MTERF4: variants seen among roughly 807,000 people sequenced by gnomAD.
MTERF4 encodes transcription termination factor 4, mitochondrial.
MTERF4 carries 17 observed loss-of-function variants against 22.5 expected under a neutral mutation model. The observed-to-expected ratio is 0.75, with a 90% confidence interval of 0.52 to 1.13. The LOEUF (loss-of-function observed/expected upper bound fraction) is 1.13. Among genes scored for constraint, MTERF4 ranks in the 50% most tolerant of loss-of-function variants. MTERF4 has a pLI of 0.00. For synonymous variants in MTERF4, 165 were observed against 175.3 expected, an observed-to-expected ratio of 0.94 and a Z score of 0.47; for missense variants, 420 against 466.8, an observed-to-expected ratio of 0.90 and a Z score of 0.92.
At chr2:241,047,629 AAGAT>A in the MTERF4 span, among the ~76,000 whole-genome samples, 129 of 152,388 alleles carry the variant, frequency 8.5e-4, no homozygotes, top group Admixed American at 2.2e-3. Context: ...GATCAGCAGA[AAGAT>A]ATCTGGAAAA....
At position 241,073,482 on chromosome 2, in the gene MTERF4, G is replaced by C; in HGVS notation, n.2680C>G. 5.9e-6 allele frequency: 5 copies of C among 841,448 alleles called. No individual in the cohort carries two copies. Among genetic ancestry groups the C allele is most frequent in the Non-Finnish European group, 9.9e-6 (5 of 505,182 alleles). 52.1% of individuals were successfully genotyped at this position (841,448 alleles called of 1,614,324 possible). A position where few individuals can be genotyped will look rare whatever the true frequency, so the allele number is the denominator to read the frequency against. ...GAATCAGGAGGCACAGAGCCTACCTGAGGGGAGGCTGAGCACCAGGCACCC... is the reference window on the plus strand; with the variant it reads ...GAATCAGGAGGCACAGAGCCTACCTCAGGGGAGGCTGAGCACCAGGCACCC... On this transcript the variant is annotated non_coding_transcript_exon_variant, in exon 5 of 5. Transcript: ENST00000464344. This position sits in a 1 kb window ranked among gnomAD's most constrained non-coding sequence, Gnocchi z 6.6.
chr2:241,076,303 CTT>C (rs2063017461), intron 4 of MTERF4, among the ~76,000 whole-genome samples: 1 of 152,116 alleles, frequency 6.6e-6, no homozygotes, highest in Non-Finnish European at 1.5e-5. Flanking sequence ...GACATTATGA[CTT>C]ATTTAATATC....
Position 241,097,403 on chromosome 2 carries a change from C to T in MTERF4, c.545G>A (p.Cys182Tyr), listed in dbSNP as rs370269245. ...GCGCATGGTGAAAATTTCAGGGCAA[C>T]AGTAAAGCACCCTCTTTAATTTCCC... ...GEGKLKRVLYCCPEIFTMRQQ... is the reference protein window; with the variant it reads ...GEGKLKRVLYYCPEIFTMRQQ... Residue 182 changes from cysteine to tyrosine, a missense_variant, in exon 3 of 4, where the codon TGT (cysteine) becomes TAT (tyrosine). Coordinates refer to ENST00000391980, the MANE Select transcript of MTERF4 (RefSeq NM_182501.4). The T allele has an allele frequency of 1.2e-6, 2 of 1,613,880 alleles. No homozygotes were observed. Among genetic ancestry groups the T allele is most frequent in the Non-Finnish European group, 8.5e-7 (1 of 1,179,938 alleles).
intron 1 of MTERF4, among the ~76,000 whole-genome samples, chr2:241,100,468 C>A (rs2064652965): frequency 6.6e-6 from 1 of 151,962 alleles, no homozygotes. Flanking sequence ...TTAGGATTTT[C>A]TTTTTGTTTT....
At chr2:241,080,627 G>A (rs1340088979) in intron 4 of MTERF4, among the ~76,000 whole-genome samples, 1 of 152,228 alleles carries the variant, frequency 6.6e-6, no homozygotes, top group Admixed American at 6.5e-5. Context: ...CCAACCTGAA[G>A]GGCTCCCGCT....
At chr2:241,062,591 TCA>T in the MTERF4 span, among the ~76,000 whole-genome samples, 106 of 152,282 alleles carry the variant, frequency 7.0e-4, no homozygotes, top group Admixed American at 1.6e-3. Context: ...CCCTGCTGCT[TCA>T]CAGACACAGC....
At chr2:241,088,421 C>T (rs374635676), downstream of MTERF4, 21 of 1,601,506 alleles carry the variant, frequency 1.3e-5, no homozygotes, top group East Asian at 4.5e-5. Context: ...CTGCTGCTCC[C>T]GCCCCACTAC....
downstream of MTERF4, among the ~76,000 whole-genome samples, chr2:241,085,860 C>CTTTTT (rs772995766): frequency 4.7e-4 from 37 of 79,156 alleles, no homozygotes; most frequent in African/African-American, 6.6e-4. Flanking sequence ...TCTGCGGTTT[C>CTTTTT]TTTTTTTTTT....
At chr2:241,051,880 G>T in the MTERF4 span, 48 of 1,523,644 alleles carry the variant, frequency 3.2e-5, no homozygotes, top group Non-Finnish European at 4.2e-5. This position sits in a 1 kb window ranked among gnomAD's most constrained non-coding sequence, Gnocchi z 4.7. Flanking sequence ...CCAGGGGCAG[G>T]GGGGAGGGCA....
chr2:241,081,660 G>A (rs143648626), intron 4 of MTERF4: 31 of 1,566,688 alleles, frequency 2.0e-5, no homozygotes, highest in East Asian at 7.0e-5. Context: ...CTAACCTCTC[G>A]TGACCTCTGT....
chr2:241,064,750 C>A, the MTERF4 span: 2 of 854,190 alleles, frequency 2.3e-6, no homozygotes, highest in Non-Finnish European at 3.6e-6. The surrounding 1 kb of genome is among the most constrained non-coding windows in gnomAD (Gnocchi z 7.0). Flanking sequence ...CACACCCACG[C>A]AGGAGGGACC....
the MTERF4 span, chr2:241,063,411 C>T: frequency 0.54 from 335,555 of 616,572 alleles, 96,720 homozygotes; most frequent in East Asian, 0.81. Context: ...GGAGGTGGCA[C>T]GCCTCCCGAG....
the MTERF4 span, among the ~76,000 whole-genome samples, chr2:241,053,528 G>A: frequency 5.3e-5 from 8 of 152,334 alleles, no homozygotes; most frequent in East Asian, 1.5e-3. Flanking sequence ...TTTGCTCTGG[G>A]GCATTCACTA....
downstream of MTERF4, among the ~76,000 whole-genome samples, chr2:241,090,680 A>G (rs1420884959): frequency 6.6e-6 from 1 of 152,162 alleles, no homozygotes; most frequent in Non-Finnish European, 1.5e-5. Context: ...CAGCCTGGCC[A>G]ACATGATGAA....
At chr2:241,053,045 G>A in the MTERF4 span, 69 of 1,062,980 alleles carry the variant, frequency 6.5e-5, no homozygotes, top group Non-Finnish European at 8.6e-5. Flanking sequence ...AGGGCAGTGT[G>A]GGAGCAGGAC....
chr2:241,052,485 G>A, the MTERF4 span: 3 of 1,566,054 alleles, frequency 1.9e-6, no homozygotes, highest in Non-Finnish European at 2.6e-6. Flanking sequence ...GGGTCAGGGG[G>A]ATCAAGCAGG....
the MTERF4 span, among the ~76,000 whole-genome samples, chr2:241,047,544 A>C: frequency 6.6e-6 from 1 of 152,238 alleles, no homozygotes; most frequent in Non-Finnish European, 1.5e-5. Flanking sequence ...ATCATAGGCC[A>C]TATTGTGAGC....
chr2:241,054,683 T>C, the MTERF4 span, among the ~76,000 whole-genome samples: 2 of 152,254 alleles, frequency 1.3e-5, no homozygotes, highest in Non-Finnish European at 1.5e-5. Flanking sequence ...ACAGTGGGAA[T>C]AAGCAGATTA....
At chr2:241,095,294 T>G (rs1459269486), downstream of MTERF4, 1 of 152,910 alleles carries the variant, frequency 6.5e-6, no homozygotes, top group Non-Finnish European at 1.5e-5. Context: ...ACACCAGGCT[T>G]GGAAGTGACC....
Sources: gnomAD v4.1 joint callset for allele counts (sites outside exome capture counted in the v4.1 genomes callset) on GRCh38, gnomAD v4.1.1 for gene constraint, Gnocchi (gnomAD v3.1) non-coding constraint, MANE v1.5 for transcripts, NCBI Gene and HGNC (gene_info 2026-07-23, HGNC 2026-07-21) for gene names.